Variants in HMGA2 observed in about 807,000 individuals in gnomAD.
The protein encoded by HMGA2 is high mobility group AT-hook 2.
HMGA2 carries 8 observed loss-of-function variants against 19.1 expected under a neutral mutation model. The observed-to-expected ratio is 0.42, with a 90% CI of 0.25 to 0.76. The LOEUF (loss-of-function observed/expected upper bound fraction) is 0.76, where lower values mean the gene tolerates loss of function less well. Ranked by LOEUF, HMGA2 falls within the 30% of genes least tolerant of loss-of-function variation. The pLI, the probability that HMGA2 is intolerant of heterozygous loss-of-function variation, is 0.28. For synonymous variants in HMGA2, 60 were observed against 48.8 expected (o/e 1.23, Z -0.96); for missense variants, 109 against 136.3 (o/e 0.80, Z 1.00).
chr12:65,927,811 G>GTC (rs900206293), intron 3 of HMGA2, among the ~76,000 whole-genome samples: 81 of 145,126 alleles, frequency 5.6e-4, no homozygotes, highest in Admixed American at 1.7e-3. Flanking sequence ...CTTTCTCTCT[G>GTC]TCTCTCTCTC....
At chr12:65,901,907 T>A (rs929990672) in intron 3 of HMGA2, among the ~76,000 whole-genome samples, 1 of 152,144 alleles carries the variant, frequency 6.6e-6, no homozygotes. Flanking sequence ...AGAAACACGA[T>A]CTCCACCAAC....
At chr12:65,832,062 G>A (rs998318514) in intron 2 of HMGA2, among the ~76,000 whole-genome samples, 9 of 151,716 alleles carry the variant, frequency 5.9e-5, no homozygotes, top group Non-Finnish European at 7.4e-5. Flanking sequence ...GAATTCAGGC[G>A]GATTCAGGGC....
intron 4 of HMGA2, among the ~76,000 whole-genome samples, chr12:65,960,186 G>GC (rs1876713148): frequency 1.3e-5 from 2 of 152,204 alleles, no homozygotes; most frequent in South Asian, 2.1e-4. Flanking sequence ...ACCATACCTG[G>GC]CCCCATCCAT....
intron 3 of HMGA2, among the ~76,000 whole-genome samples, chr12:65,863,321 T>G (rs1872209590): frequency 6.6e-6 from 1 of 152,232 alleles, no homozygotes; most frequent in Admixed American, 6.5e-5. Flanking sequence ...AGAAGTTGGC[T>G]GTACCTTCCT....
intron 3 of HMGA2, chr12:65,856,279 G>T (rs1406577596): frequency 6.6e-6 from 1 of 152,116 alleles, no homozygotes; most frequent in Non-Finnish European, 1.5e-5. Flanking sequence ...TTAAAATGTT[G>T]GTCTGTGTGG....
At chr12:65,956,169 A>G (rs1876601267) in intron 4 of HMGA2, 1 of 152,210 alleles carries the variant, frequency 6.6e-6, no homozygotes, top group Non-Finnish European at 1.5e-5. Flanking sequence ...AAGGAGCATA[A>G]TGATTTATAC....
At chr12:65,911,199 A>C (rs1182013036) in intron 3 of HMGA2, among the ~76,000 whole-genome samples, 3 of 152,226 alleles carry the variant, frequency 2.0e-5, no homozygotes, top group African/African-American at 4.8e-5. Context: ...TTAGCATTTA[A>C]AGTACAAGCA....
intron 3 of HMGA2, among the ~76,000 whole-genome samples, chr12:65,898,406 G>C (rs1191211480): frequency 6.6e-6 from 1 of 152,068 alleles, no homozygotes; most frequent in African/African-American, 2.4e-5. Context: ...TTTGCAACTT[G>C]AAAGGTGGAG....
intron 3 of HMGA2, among the ~76,000 whole-genome samples, chr12:65,910,337 T>C (rs1874791048): frequency 6.6e-6 from 1 of 152,186 alleles, no homozygotes; most frequent in Non-Finnish European, 1.5e-5. Flanking sequence ...TCTTTTTTGT[T>C]CAATAATCCA....
intron 3 of HMGA2, among the ~76,000 whole-genome samples, chr12:65,919,819 T>C (rs966172971): frequency 6.6e-6 from 1 of 152,246 alleles, no homozygotes; most frequent in African/African-American, 2.4e-5. Flanking sequence ...TGTTTATTTG[T>C]GGCTTATTTA....
intron 4 of HMGA2, chr12:65,955,308 A>T (rs1426913619): frequency 6.6e-6 from 1 of 151,930 alleles, no homozygotes; most frequent in Non-Finnish European, 1.5e-5. Flanking sequence ...TCTTTTTTTA[A>T]AAAAAGAAAC....
At chr12:65,913,821 A>G (rs371944945) in intron 3 of HMGA2, among the ~76,000 whole-genome samples, 4 of 152,104 alleles carry the variant, frequency 2.6e-5, no homozygotes, top group East Asian at 3.9e-4. Flanking sequence ...AGTGTTCCTG[A>G]TGTGTCACCA....
chr12:65,930,244 G>T lies in HMGA2; in HGVS notation c.250-21139G>T, dbSNP rs558730806. 2.6e-5 allele frequency among the ~76,000 whole-genome samples: 4 copies of T among 152,262 alleles called. No homozygotes were observed. In the South Asian group the frequency reaches 6.2e-4, roughly 24 times the overall value. On this transcript the variant is annotated intron_variant, in intron 3 of 4. Coordinates refer to ENST00000403681, the MANE Select transcript of HMGA2 (RefSeq NM_003483.6). Reference sequence around the variant, plus strand: ...GTGTGTAAATAAAACTTTAGAAAGGGTCTATTGAACTTTGGACAGGCAAGC... The same window carrying T: ...GTGTGTAAATAAAACTTTAGAAAGGTTCTATTGAACTTTGGACAGGCAAGC...
intron 3 of HMGA2, among the ~76,000 whole-genome samples, chr12:65,849,853 G>A (rs1437414260): frequency 6.6e-6 from 1 of 150,822 alleles, no homozygotes; most frequent in African/African-American, 2.5e-5. Flanking sequence ...CGAGTAGCTG[G>A]GATTACAGGT....
At chr12:65,881,653 A>G (rs940531561) in intron 3 of HMGA2, 2 of 363,116 alleles carry the variant, frequency 5.5e-6, no homozygotes, top group Non-Finnish European at 5.2e-6. Flanking sequence ...GGAGGGAGAA[A>G]GAGAGAGAGA....
chr12:65,929,061 G>T (rs12812630), intron 3 of HMGA2, among the ~76,000 whole-genome samples: 2 of 151,888 alleles, frequency 1.3e-5, no homozygotes, highest in South Asian at 2.1e-4. Context: ...TTTTAGAATC[G>T]CAATTAAAAT....
At chr12:65,917,863 T>C (rs1875166168) in intron 3 of HMGA2, among the ~76,000 whole-genome samples, 1 of 152,242 alleles carries the variant, frequency 6.6e-6, no homozygotes, top group African/African-American at 2.4e-5. Context: ...TGTATCTCTT[T>C]AGTACCTAAT....
intron 3 of HMGA2, among the ~76,000 whole-genome samples, chr12:65,904,748 G>A (rs752440652): frequency 6.6e-6 from 1 of 152,138 alleles, no homozygotes; most frequent in Non-Finnish European, 1.5e-5. Flanking sequence ...TCAGCTTTTG[G>A]TTAGGTAAAT....
chr12:65,889,935 C>A (rs752827539), intron 3 of HMGA2, among the ~76,000 whole-genome samples: 2 of 152,324 alleles, frequency 1.3e-5, no homozygotes, highest in African/African-American at 4.8e-5. Flanking sequence ...CTGAAAAATT[C>A]TTCTGTCTTA....
Sources: gnomAD v4.1 joint callset for allele counts (sites outside exome capture counted in the v4.1 genomes callset) on GRCh38, gnomAD v4.1.1 for gene constraint, MANE v1.5 for transcripts, NCBI Gene and HGNC (gene_info 2026-07-23, HGNC 2026-07-21) for gene names.